GABRG2: variants seen among roughly 807,000 people sequenced by gnomAD.
GABRG2 encodes gamma-aminobutyric acid type A receptor subunit gamma2.
A neutral mutation model predicts 56.4 loss-of-function variants in GABRG2; 16 were observed. That is an observed-to-expected ratio of 0.28 (90% CI 0.19 to 0.43). The LOEUF (loss-of-function observed/expected upper bound fraction) is 0.43, where lower values mean the gene tolerates loss of function less well. Among genes scored for constraint, GABRG2 ranks in the 20% least tolerant of loss-of-function variants. The pLI is 1.00. For synonymous variants in GABRG2, 208 were observed against 205.5 expected (o/e 1.01, Z -0.10); for missense variants, 327 against 582.7 (o/e 0.56, Z 4.52).
At chr5:162,141,414 A>G (rs575388206) in intron 6 of GABRG2, among the ~76,000 whole-genome samples, 1 of 152,220 alleles carries the variant, frequency 6.6e-6, no homozygotes, top group Non-Finnish European at 1.5e-5. Flanking sequence ...CGATTTACAA[A>G]GGCATTAATT....
At chr5:162,152,965 G>T in intron 9 of GABRG2, 128 bp from the exon 10 acceptor site, 1 of 1,097,642 alleles carries the variant, frequency 9.1e-7, no homozygotes, top group South Asian at 1.3e-5. Context: ...TGTAGATCAT[G>T]ATGTCATAGC....
At chr5:162,068,320 T>G (rs1715795804) in intron 1 of GABRG2, among the ~76,000 whole-genome samples, 2 of 152,054 alleles carry the variant, frequency 1.3e-5, no homozygotes, top group Admixed American at 1.3e-4. Flanking sequence ...TTTTATTTTA[T>G]TTTTTGTTTG....
Position 162,127,675 on chromosome 5 carries a change from G to A in GABRG2, c.770-14489G>A, listed in dbSNP as rs141234555. On this transcript the variant is annotated intron_variant, in intron 6 of 9. Transcript: ENST00000639213. ...AAATATGTTGTCTCCTGAATTCACC[G>A]TATTTTGTCTTCAGGAATCCCCTCC... 5.2e-3 allele frequency among the ~76,000 whole-genome samples: 790 copies of A among 151,988 alleles called. 4 individuals are homozygous for A. Among genetic ancestry groups the A allele is most frequent in the African/African-American group, 0.017 (712 of 41,490 alleles).
chr5:162,134,641 G>A (rs1408346645), intron 6 of GABRG2, among the ~76,000 whole-genome samples: 1 of 152,150 alleles, frequency 6.6e-6, no homozygotes, highest in Non-Finnish European at 1.5e-5. Flanking sequence ...TGCCCTTGCA[G>A]TGGACACTGT....
chr5:162,074,275 C>A (rs1758910393), intron 1 of GABRG2, among the ~76,000 whole-genome samples: 1 of 151,952 alleles, frequency 6.6e-6, no homozygotes, highest in Admixed American at 6.6e-5. Flanking sequence ...CATTGTATAA[C>A]TCTGCATAGA....
intron 6 of GABRG2, among the ~76,000 whole-genome samples, chr5:162,114,841 A>G (rs1392000529): frequency 6.6e-6 from 1 of 152,192 alleles, no homozygotes; most frequent in African/African-American, 2.4e-5. Flanking sequence ...GCAAAGTTCT[A>G]TATATGGACA....
At chr5:162,087,687 A>G (rs1055610954) in intron 1 of GABRG2, among the ~76,000 whole-genome samples, 29 of 152,122 alleles carry the variant, frequency 1.9e-4, no homozygotes, top group Admixed American at 1.8e-3. Flanking sequence ...CGAAACTCCC[A>G]GAAGCTCATC....
intron 1 of GABRG2, among the ~76,000 whole-genome samples, chr5:162,078,387 ATATATATATATTTTT>A (rs1442668855): frequency 5.6e-5 from 2 of 35,766 alleles, no homozygotes; most frequent in African/African-American, 2.5e-4. Context: ...ATATATATAT[ATATATATATATTTTT>A]TTTTTTTTTT....
intron 6 of GABRG2, among the ~76,000 whole-genome samples, chr5:162,107,240 T>C (rs74347038): frequency 1.9e-3 from 291 of 152,264 alleles, no homozygotes; most frequent in Non-Finnish European, 3.3e-3. Flanking sequence ...ATGAAGTTAA[T>C]TTTTTAAAGG....
intron 6 of GABRG2, among the ~76,000 whole-genome samples, chr5:162,129,710 T>A (rs1485265114): frequency 2.0e-5 from 3 of 151,856 alleles, no homozygotes; most frequent in African/African-American, 7.3e-5. Context: ...AAATAACAGG[T>A]TTTTTCTAAA....
chr5:162,070,192 G>GT (rs1758560188), intron 1 of GABRG2, among the ~76,000 whole-genome samples: 1 of 152,016 alleles, frequency 6.6e-6, no homozygotes, highest in Non-Finnish European at 1.5e-5. Flanking sequence ...TCTTAGATGA[G>GT]TTTTTTAAAA....
At chr5:162,078,017 C>T (rs1759283925) in intron 1 of GABRG2, among the ~76,000 whole-genome samples, 1 of 151,968 alleles carries the variant, frequency 6.6e-6, no homozygotes, top group Admixed American at 6.6e-5. Context: ...TACACCATCG[C>T]TTCTGTCATA....
At chr5:162,103,365 G>T in intron 5 of GABRG2, 1 of 159,168 alleles carries the variant, frequency 6.3e-6, no homozygotes, top group Admixed American at 6.0e-5. Context: ...TATTAAAATG[G>T]AGTCCCAACA....
intron 1 of GABRG2, among the ~76,000 whole-genome samples, chr5:162,082,281 A>T (rs1211538449): frequency 6.6e-6 from 1 of 151,812 alleles, no homozygotes; most frequent in African/African-American, 2.4e-5. Context: ...GCCAGAAAAG[A>T]CAGTACTTTA....
chr5:162,091,397 CTAAGCACT>C (rs1227385323), intron 1 of GABRG2, among the ~76,000 whole-genome samples: 1 of 151,968 alleles, frequency 6.6e-6, no homozygotes, highest in East Asian at 1.9e-4. Context: ...AGGCACTGTG[CTAAGCACT>C]TAAGCATTGT....
intron 6 of GABRG2, among the ~76,000 whole-genome samples, chr5:162,120,778 A>T (rs1310942510): frequency 1.3e-5 from 2 of 152,156 alleles, no homozygotes; most frequent in East Asian, 3.9e-4. Flanking sequence ...ATTGCAAAGC[A>T]CTATATAACT....
chr5:162,095,441 C>T, intron 2 of GABRG2, 54 bp from the exon 3 acceptor site: 5 of 1,058,020 alleles, frequency 4.7e-6, no homozygotes, highest in Admixed American at 3.5e-5. Context: ...AAGATTAAAA[C>T]ATTAAAATCT....
intron 6 of GABRG2, among the ~76,000 whole-genome samples, chr5:162,131,868 G>C (rs573016040): frequency 2.2e-4 from 33 of 151,842 alleles, no homozygotes; most frequent in African/African-American, 7.5e-4. Context: ...AATGTGGTGA[G>C]ACACCTACTC....
intron 6 of GABRG2, among the ~76,000 whole-genome samples, chr5:162,110,642 C>T (rs7730235): frequency 0.016 from 2,423 of 151,866 alleles, 63 homozygotes; most frequent in African/African-American, 0.055. Flanking sequence ...ACAACAACAA[C>T]AACAACAACA....
Sources: gnomAD v4.1 joint callset for allele counts (sites outside exome capture counted in the v4.1 genomes callset) on GRCh38, gnomAD v4.1.1 for gene constraint, MANE v1.5 for transcripts, NCBI Gene and HGNC (gene_info 2026-07-23, HGNC 2026-07-21) for gene names.